Variants in DPP6 observed in about 807,000 individuals in gnomAD.
The protein encoded by DPP6 is A-type potassium channel modulatory protein DPP6.
A neutral mutation model predicts 122.6 loss-of-function variants in DPP6; 69 were observed. The ratio of observed to expected loss-of-function variants is 0.56; its 90% CI spans 0.46 to 0.69. DPP6 has a LOEUF of 0.69. Among genes scored for constraint, DPP6 ranks in the 30% least tolerant of loss-of-function variants. DPP6 has a pLI of 0.00. For missense variants in DPP6, 928 were observed against 1,116.9 expected (o/e 0.83, Z 2.41); for synonymous variants, 418 against 433.1 (o/e 0.97, Z 0.43).
At chr7:154,729,157 A>G (rs1177048366) in intron 8 of DPP6, among the ~76,000 whole-genome samples, 3 of 152,222 alleles carry the variant, frequency 2.0e-5, no homozygotes, top group Non-Finnish European at 4.4e-5. Context: ...ACATGTGGCT[A>G]CAGTAACCGT....
Position 154,011,588 on chromosome 7 carries a change from C to CAA in DPP6, c.51+123854_51+123855insAA, listed in dbSNP as rs201710110. 6.3e-3 allele frequency among the ~76,000 whole-genome samples: 958 copies of CAA among 152,162 alleles called. 8 individuals carry two copies. Among genetic ancestry groups the CAA allele is most frequent in the African/African-American group, 0.015 (623 of 41,498 alleles). On this transcript the variant is annotated intron_variant, in intron 1 of 25. Transcript: ENST00000404039. ...TTCACTAAGAACATAACATCCAAGA[C>CAA]GAGAGATCAATTTTGCATATTATTA... is the stretch of plus-strand genomic sequence containing the variant.
chr7:154,458,422 C>T (rs926133659), intron 2 of DPP6, among the ~76,000 whole-genome samples: 2 of 152,154 alleles, frequency 1.3e-5, no homozygotes, highest in Admixed American at 1.3e-4. Flanking sequence ...CATTAAACCT[C>T]TTTTTCTTTA....
the DPP6 span, among the ~76,000 whole-genome samples, chr7:153,808,144 C>T: frequency 1.4e-4 from 21 of 152,224 alleles, 1 homozygote; most frequent in South Asian, 1.2e-3. Context: ...ATGATCACCA[C>T]GATCAAGCTA....
At chr7:154,351,437 C>A (rs1037746928) in intron 1 of DPP6, among the ~76,000 whole-genome samples, 3 of 152,172 alleles carry the variant, frequency 2.0e-5, no homozygotes, top group African/African-American at 7.2e-5. Context: ...AAAATAGCAG[C>A]TGAGTGTAAA....
intron 1 of DPP6, among the ~76,000 whole-genome samples, chr7:153,981,172 T>G (rs1164383613): frequency 6.6e-6 from 1 of 152,194 alleles, no homozygotes; most frequent in Non-Finnish European, 1.5e-5. Context: ...TATTATTGTG[T>G]GGGAGTCTAA....
chr7:154,884,582 CAT>C (rs1805934216), intron 21 of DPP6: 1 of 151,922 alleles, frequency 6.6e-6, no homozygotes, highest in African/African-American at 2.4e-5. Flanking sequence ...CACACGATTA[CAT>C]ACACATGCTC....
intron 5 of DPP6, among the ~76,000 whole-genome samples, chr7:154,628,487 A>G (rs148822948): frequency 1.3e-3 from 205 of 152,254 alleles, no homozygotes; most frequent in African/African-American, 4.8e-3. Context: ...ATTTTGGCTT[A>G]TTGGTCTCAC....
the DPP6 span, among the ~76,000 whole-genome samples, chr7:153,831,316 T>A: frequency 6.6e-6 from 1 of 152,296 alleles, no homozygotes; most frequent in East Asian, 1.9e-4. Context: ...CCACGTTTTC[T>A]ATGACCTATA....
At chr7:153,868,287 T>G in the DPP6 span, among the ~76,000 whole-genome samples, 7 of 152,218 alleles carry the variant, frequency 4.6e-5, no homozygotes, top group Admixed American at 3.9e-4. Context: ...GTCATGGACT[T>G]TTTTTGGTTG....
intron 1 of DPP6, among the ~76,000 whole-genome samples, chr7:154,331,811 C>G (rs1254278980): frequency 6.6e-6 from 1 of 152,126 alleles, no homozygotes; most frequent in Non-Finnish European, 1.5e-5. Flanking sequence ...TTTTCAGGGT[C>G]GTAAAAACAC....
chr7:154,437,947 AAAAAT>A (rs1819007039), intron 1 of DPP6, among the ~76,000 whole-genome samples: 1 of 151,462 alleles, frequency 6.6e-6, no homozygotes, highest in South Asian at 2.1e-4. Context: ...AAAATAACAT[AAAAAT>A]AAAATAAAAC....
chr7:154,202,626 C>T (rs1407602149), intron 1 of DPP6, among the ~76,000 whole-genome samples: 1 of 152,180 alleles, frequency 6.6e-6, no homozygotes, highest in Non-Finnish European at 1.5e-5. Flanking sequence ...GAATTCAGCA[C>T]CAGCTATTAC....
intron 1 of DPP6, among the ~76,000 whole-genome samples, chr7:153,980,013 A>C (rs778218023): frequency 4.6e-5 from 7 of 151,872 alleles, no homozygotes; most frequent in Non-Finnish European, 1.0e-4. Flanking sequence ...TTTCTTTTTT[A>C]GTTGTGTCTC....
At chr7:154,208,280 A>G (rs1315815487) in intron 1 of DPP6, among the ~76,000 whole-genome samples, 1 of 152,226 alleles carries the variant, frequency 6.6e-6, no homozygotes, top group Non-Finnish European at 1.5e-5. Context: ...TGCAAAAATT[A>G]TGACTAGGTA....
At chr7:154,064,863 A>G (rs771623909) in intron 1 of DPP6, among the ~76,000 whole-genome samples, 35 of 152,196 alleles carry the variant, frequency 2.3e-4, no homozygotes, top group Non-Finnish European at 2.9e-4. Context: ...CAGAGCCTGC[A>G]CCGCAAGCGC....
Position 154,618,580 on chromosome 7 carries a change from A to C in DPP6, c.628-19241A>C, listed in dbSNP as rs573187187. Reference sequence around the variant, plus strand: ...GCATTTTCCTCATATGAAAGCAGAAACCCACAGAGTTTATGATGTGCTCAG... The same window carrying C: ...GCATTTTCCTCATATGAAAGCAGAACCCCACAGAGTTTATGATGTGCTCAG... On this transcript the variant is annotated intron_variant, in intron 5 of 25. Coordinates refer to ENST00000377770, the MANE Select transcript of DPP6 (RefSeq NM_130797.4). This position sits in a 1 kb window ranked among gnomAD's most constrained non-coding sequence, Gnocchi z 4.1. 6.6e-6 allele frequency among the ~76,000 whole-genome samples: 1 copy of C among 152,234 alleles called. No homozygotes were observed. The highest frequency in any genetic ancestry group is 2.4e-5 in the African/African-American group (1 of 41,530).
chr7:153,895,951 G>A lies in DPP6; in HGVS notation c.51+8217G>A, dbSNP rs143147556. Among the ~76,000 whole-genome samples, 9 of 152,282 alleles carry A rather than the reference G, an allele frequency of 5.9e-5. No homozygotes were observed. In the East Asian group the frequency reaches 7.7e-4, roughly 13 times the overall value. On this transcript the variant is annotated intron_variant, in intron 1 of 25. Coordinates refer to the DPP6 transcript ENST00000404039. ...TCTGGTTTCCAGTGTGGTGTTACTC[G>A]TCTGTGAAAATAAAAGTGAATTGCT...
chr7:153,952,397 A>G (rs1289136177), intron 1 of DPP6, among the ~76,000 whole-genome samples: 1 of 152,250 alleles, frequency 6.6e-6, no homozygotes, highest in Non-Finnish European at 1.5e-5. Flanking sequence ...TAGGCTGCTG[A>G]TACATCACTT....
intron 1 of DPP6, among the ~76,000 whole-genome samples, chr7:154,283,549 T>G (rs1804663735): frequency 6.6e-6 from 1 of 152,140 alleles, no homozygotes; most frequent in Admixed American, 6.5e-5. Context: ...AGCAATAAAC[T>G]AGGCAGGGCT....
Sources: allele counts gnomAD v4.1 joint callset (sites outside exome capture counted in the v4.1 genomes callset), GRCh38; gene constraint gnomAD v4.1.1; non-coding constraint Gnocchi (gnomAD v3.1); transcripts MANE v1.5; gene names NCBI Gene and HGNC (gene_info 2026-07-23, HGNC 2026-07-21).